Variants in TRAK1 observed in about 807,000 individuals in gnomAD.
The protein encoded by TRAK1 is trafficking kinesin protein 1.
A neutral mutation model predicts 92.1 loss-of-function variants in TRAK1; 33 were observed. That is an observed-to-expected ratio of 0.36 (90% CI 0.27 to 0.48). The LOEUF (loss-of-function observed/expected upper bound fraction) is 0.48, where lower values mean the gene tolerates loss of function less well. Among genes scored for constraint, TRAK1 ranks in the 20% least tolerant of loss-of-function variants. The pLI is 0.99. For synonymous variants in TRAK1, 521 were observed against 517.3 expected, an observed-to-expected ratio of 1.01 and a Z score of -0.10; for missense variants, 1,123 against 1,257.9, an observed-to-expected ratio of 0.89 and a Z score of 1.62.
chr3:42,151,329 A>G (rs1475589073), intron 2 of TRAK1: 7 of 456,442 alleles, frequency 1.5e-5, no homozygotes, highest in Admixed American at 4.7e-5. Context: ...GGATTTTCTT[A>G]CCCAGCACTT....
rs557419064 is a variant in TRAK1 at position 42,153,127 on chromosome 3, G to C, written c.287-23687G>C. 3.9e-5 allele frequency among the ~76,000 whole-genome samples: 6 copies of C among 152,290 alleles called. No individual in the cohort carries two copies. The South Asian group carries it at 1.2e-3, about 32-fold the overall frequency. Reference sequence around the variant, plus strand: ...CTTTGAAAAGGCTAATGGGGGCCTGGTATAGTGTGTCATGCCTGTAAGCCC... The same window carrying C: ...CTTTGAAAAGGCTAATGGGGGCCTGCTATAGTGTGTCATGCCTGTAAGCCC... On this transcript the variant is annotated intron_variant, in intron 2 of 15. Coordinates refer to ENST00000327628, the MANE Select transcript of TRAK1 (RefSeq NM_001042646.3).
intron 1 of TRAK1, among the ~76,000 whole-genome samples, chr3:42,122,419 G>T (rs1710010658): frequency 6.6e-6 from 1 of 151,640 alleles, no homozygotes; most frequent in Admixed American, 6.6e-5. Flanking sequence ...CCAGCCTGTT[G>T]TGTGGGTGTG....
intron 2 of TRAK1, among the ~76,000 whole-genome samples, chr3:42,128,435 C>T (rs1710868371): frequency 6.6e-6 from 1 of 152,168 alleles, no homozygotes; most frequent in African/African-American, 2.4e-5. Flanking sequence ...GTAGTTAGAG[C>T]AACATAGCTA....
At chr3:42,031,098 T>C (rs1241840821) in intron 1 of TRAK1, among the ~76,000 whole-genome samples, 2 of 146,736 alleles carry the variant, frequency 1.4e-5, no homozygotes, top group Non-Finnish European at 3.0e-5. Context: ...TGCAGTGGCG[T>C]GGTCTCGGCT....
chr3:42,187,966 G>C, intron 4 of TRAK1, 79 bp from the exon 5 acceptor site: 1 of 1,179,292 alleles, frequency 8.5e-7, no homozygotes, highest in Non-Finnish European at 1.3e-6. Context: ...GTCCCTAAGT[G>C]TTAAGTGTTG....
At chr3:42,026,058 T>A (rs1482138093) in intron 1 of TRAK1, among the ~76,000 whole-genome samples, 1 of 152,136 alleles carries the variant, frequency 6.6e-6, no homozygotes, top group East Asian at 1.9e-4. Context: ...CTCTGTCTCT[T>A]TCTTGCTTTC....
At chr3:42,110,218 T>C (rs1170573158) in intron 1 of TRAK1, among the ~76,000 whole-genome samples, 1 of 149,866 alleles carries the variant, frequency 6.7e-6, no homozygotes, top group Non-Finnish European at 1.5e-5. Flanking sequence ...AAACTGTCCA[T>C]GTGGGGATAA....
chr3:42,221,071 CTTTTTTTT>C (rs369421571), intron 15 of TRAK1, among the ~76,000 whole-genome samples: 5 of 85,396 alleles, frequency 5.9e-5, no homozygotes, highest in East Asian at 3.5e-4. Flanking sequence ...AGAGAAGGCT[CTTTTTTTT>C]TTTTTTTTTT....
At chr3:42,016,485 G>A (rs1037133426) in intron 1 of TRAK1, among the ~76,000 whole-genome samples, 2 of 152,184 alleles carry the variant, frequency 1.3e-5, no homozygotes, top group African/African-American at 2.4e-5. Context: ...GATTATAGGC[G>A]CAAGCCACCA....
intron 2 of TRAK1, among the ~76,000 whole-genome samples, chr3:42,169,410 A>T (rs978570646): frequency 1.3e-5 from 2 of 152,138 alleles, no homozygotes; most frequent in African/African-American, 4.8e-5. Flanking sequence ...ATGCTTATAT[A>T]CATATGTTTA....
At chr3:42,042,058 C>A (rs1368714800) in intron 1 of TRAK1, among the ~76,000 whole-genome samples, 1 of 152,164 alleles carries the variant, frequency 6.6e-6, no homozygotes, top group African/African-American at 2.4e-5. Context: ...TCCCAAAGTG[C>A]TGGAATTACA....
At chr3:42,149,456 G>C (rs769933740) in intron 2 of TRAK1, 165 of 1,531,648 alleles carry the variant, frequency 1.1e-4, no homozygotes, top group Non-Finnish European at 1.4e-4. Flanking sequence ...TATTCTGGAA[G>C]GGCGGGGAGG....
chr3:42,043,935 A>G (rs945540803), intron 1 of TRAK1, among the ~76,000 whole-genome samples: 1 of 152,210 alleles, frequency 6.6e-6, no homozygotes, highest in African/African-American at 2.4e-5. Flanking sequence ...ATTATAAATA[A>G]AACAAAATTA....
At chr3:42,193,568 G>C (rs1706137958) in intron 8 of TRAK1, among the ~76,000 whole-genome samples, 1 of 152,130 alleles carries the variant, frequency 6.6e-6, no homozygotes, top group Non-Finnish European at 1.5e-5. Flanking sequence ...CAGCAAAATG[G>C]ACTTTGCTAT....
intron 1 of TRAK1, among the ~76,000 whole-genome samples, chr3:42,052,621 C>T (rs1703027147): frequency 6.6e-6 from 1 of 152,164 alleles, no homozygotes; most frequent in South Asian, 2.1e-4. Context: ...ATAACTTGGG[C>T]TACTCTGCGT....
intron 1 of TRAK1, among the ~76,000 whole-genome samples, chr3:42,043,337 C>T (rs1453747749): frequency 6.6e-6 from 1 of 151,918 alleles, no homozygotes; most frequent in Admixed American, 6.6e-5. Context: ...CCTATCCCCT[C>T]CCCGACTCAC....
chr3:42,024,104 C>G (rs1160313146), intron 1 of TRAK1, among the ~76,000 whole-genome samples: 1 of 151,968 alleles, frequency 6.6e-6, no homozygotes, highest in Non-Finnish European at 1.5e-5. Flanking sequence ...GACGTCTGGG[C>G]CTGACACTTC....
intron 2 of TRAK1, among the ~76,000 whole-genome samples, chr3:42,127,224 CAG>C (rs1279512811): frequency 2.6e-5 from 4 of 152,092 alleles, no homozygotes; most frequent in Admixed American, 6.5e-5. Flanking sequence ...GAGTTTGTAA[CAG>C]AATTATTTTT....
intron 1 of TRAK1, among the ~76,000 whole-genome samples, chr3:42,121,374 C>T (rs1709841184): frequency 1.3e-5 from 2 of 152,048 alleles, no homozygotes; most frequent in Non-Finnish European, 2.9e-5. Flanking sequence ...ATTCTCCTGC[C>T]TCAGCCTCCC....
Sources: gnomAD v4.1 joint callset for allele counts (sites outside exome capture counted in the v4.1 genomes callset) on GRCh38, gnomAD v4.1.1 for gene constraint, MANE v1.5 for transcripts, NCBI Gene and HGNC (gene_info 2026-07-23, HGNC 2026-07-21) for gene names.